CDH7: variants seen among roughly 807,000 people sequenced by gnomAD.
The protein encoded by CDH7 is cadherin 7.
CDH7 carries 25 observed loss-of-function variants against 71.8 expected under a neutral mutation model. The observed-to-expected ratio is 0.35, with a 90% confidence interval of 0.25 to 0.49. The LOEUF (loss-of-function observed/expected upper bound fraction) is 0.49, where lower values mean the gene tolerates loss of function less well. CDH7 is among the 20% of genes least tolerant of loss of function. The pLI is 0.99. For missense variants in CDH7, 862 were observed against 974.6 expected (o/e 0.88, Z 1.54); for synonymous variants, 381 against 363.8 (o/e 1.05, Z -0.54).
chr18:65,781,796 T>TTTCTTTCTTTCTTTCTA (rs1568181406), intron 2 of CDH7, among the ~76,000 whole-genome samples: 1 of 70,410 alleles, frequency 1.4e-5, no homozygotes, highest in East Asian at 4.0e-4. Context: ...CCTTCCTTCC[T>TTTCTTTCTTTCTTTCTA]TCCTTCCTTC....
rs1400805257 is a variant in CDH7 at position 65,887,896 on chromosome 18, T to C, written c.*7002T>C. The C allele has an allele frequency of 4.6e-5, 7 of 152,194 alleles. No homozygotes were observed. The highest frequency in any genetic ancestry group is 1.0e-4 in the Non-Finnish European group (7 of 68,030). The allele number at this position is 152,194 out of a possible 1,614,324, so 9.4% of individuals were successfully genotyped here. A position where few individuals can be genotyped will look rare whatever the true frequency, so the allele number is the denominator to read the frequency against. The stretch of plus-strand genomic sequence containing the variant: ...ACTTTCAATGAAACTATAATTTTTA[T>C]GTTTATGAGATTCCATTATAATTAC... On this transcript the variant is annotated 3_prime_UTR_variant, in exon 12 of 12. Coordinates refer to ENST00000397968, the MANE Select transcript of CDH7 (RefSeq NM_004361.5).
chr18:65,761,388 A>C (rs544870324), intron 1 of CDH7, among the ~76,000 whole-genome samples: 2 of 151,756 alleles, frequency 1.3e-5, no homozygotes, highest in African/African-American at 4.9e-5. Context: ...ACTATCAAAA[A>C]TATTTTTTTA....
Position 65,780,192 on chromosome 18 carries a change from T to A in CDH7, c.210+17140T>A, listed in dbSNP as rs1156304933. On this transcript the variant is annotated intron_variant, in intron 2 of 11. Transcript: ENST00000397968. ...TAAATTTGTTTGAGTTCATTGTAGA[T>A]TCTGGATATTAGCCCTTTGTCAGAT... 4.3e-5 allele frequency among the ~76,000 whole-genome samples: 5 copies of A among 115,732 alleles called. 1 individual carries two copies. Among genetic ancestry groups the A allele is most frequent in the African/African-American group, 2.0e-4 (5 of 25,546 alleles). The allele number at this position is 115,732 out of a possible 152,430, so 75.9% of individuals were successfully genotyped here.
chr18:65,862,113 G>C (rs891069703), intron 10 of CDH7, among the ~76,000 whole-genome samples: 1 of 151,914 alleles, frequency 6.6e-6, no homozygotes, highest in Non-Finnish European at 1.5e-5. Context: ...ACATAGAGTA[G>C]CTATAAATAC....
At chr18:65,796,051 A>C (rs1479955609) in intron 2 of CDH7, among the ~76,000 whole-genome samples, 1 of 152,154 alleles carries the variant, frequency 6.6e-6, no homozygotes, top group East Asian at 1.9e-4. Context: ...TAAATAAATA[A>C]ATAAATTACC....
At chr18:65,781,780 T>A (rs1240507250) in intron 2 of CDH7, among the ~76,000 whole-genome samples, 9 of 59,160 alleles carry the variant, frequency 1.5e-4, no homozygotes, top group African/African-American at 1.2e-3. Context: ...CCTTCCTTCC[T>A]TCCTTCCTTC....
intron 11 of CDH7, among the ~76,000 whole-genome samples, chr18:65,879,617 G>A (rs1036479841): frequency 2.6e-5 from 4 of 152,134 alleles, no homozygotes; most frequent in Admixed American, 6.6e-5. Context: ...CATTGTTTAA[G>A]TCCCCCAAAT....
At chr18:65,849,627 T>A (rs1913075006) in intron 7 of CDH7, among the ~76,000 whole-genome samples, 2 of 151,490 alleles carry the variant, frequency 1.3e-5, no homozygotes, top group African/African-American at 4.8e-5. Flanking sequence ...TGGCCAGGCT[T>A]GCCTCGAACT....
chr18:65,781,864 T>TTCTTTCTTTCTTTC (rs1568181719), intron 2 of CDH7, among the ~76,000 whole-genome samples: 1 of 54,614 alleles, frequency 1.8e-5, no homozygotes, highest in Non-Finnish European at 3.2e-5. Context: ...CTTTCTTTCT[T>TTCTTTCTTTCTTTC]TCTCTCTCTC....
At position 65,811,905 on chromosome 18, in the gene CDH7, A is replaced by G. The variant is rs142856288; in HGVS notation, c.505+1907A>G. On this transcript the variant is annotated intron_variant, in intron 3 of 11. Transcript: ENST00000397968. ...ATAATGTATAAGTTAAATAAATTATATTATTTAAGTGTGCACAATAGTCAT... is the reference window on the plus strand; with the variant it reads ...ATAATGTATAAGTTAAATAAATTATGTTATTTAAGTGTGCACAATAGTCAT... 3.0e-3 allele frequency among the ~76,000 whole-genome samples: 445 copies of G among 149,744 alleles called. 2 individuals carry two copies. Among genetic ancestry groups the G allele is most frequent in the African/African-American group, 9.9e-3 (405 of 40,890 alleles).
At chr18:65,781,824 T>A (rs1470614268) in intron 2 of CDH7, among the ~76,000 whole-genome samples, 17 of 72,080 alleles carry the variant, frequency 2.4e-4, no homozygotes, top group African/African-American at 1.7e-3. Flanking sequence ...CCTTCCTTCT[T>A]TCTTTCTTTC....
At chr18:65,771,859 G>A (rs563831998) in intron 2 of CDH7, among the ~76,000 whole-genome samples, 1 of 152,212 alleles carries the variant, frequency 6.6e-6, no homozygotes, top group African/African-American at 2.4e-5. Context: ...AAACCAGTAT[G>A]GGGAGGCCAT....
At chr18:65,782,107 CTTCTTTCTTTCTTTCTTTCTTTCTTTCT>C (rs745442687) in intron 2 of CDH7, among the ~76,000 whole-genome samples, 3 of 25,224 alleles carry the variant, frequency 1.2e-4, no homozygotes, top group African/African-American at 7.5e-4. Flanking sequence ...TCCTTCCTTC[CTTCTTTCTTTCTTTCTTTCTTTCTTTCT>C]TTCTTTCTTT....
At chr18:65,849,584 T>A (rs2144007571) in intron 7 of CDH7, among the ~76,000 whole-genome samples, 1 of 151,874 alleles carries the variant, frequency 6.6e-6, no homozygotes, top group African/African-American at 2.4e-5. Flanking sequence ...GGCTAATTTT[T>A]GTATTGTTAG....
chr18:65,878,859 G>A (rs1195396241), intron 11 of CDH7, among the ~76,000 whole-genome samples: 1 of 152,168 alleles, frequency 6.6e-6, no homozygotes, highest in African/African-American at 2.4e-5. Flanking sequence ...TTTCTGAACT[G>A]TAGGCCATCC....
chr18:65,778,734 T>G lies in CDH7; in HGVS notation c.210+15682T>G, dbSNP rs185060382. ...TCATAATAAATAAATACACTTTGAT[T>G]GAACTAAAGATTCAGGGTCTTTAAA... is the stretch of plus-strand genomic sequence containing the variant. On this transcript the variant is annotated intron_variant, in intron 2 of 11. Coordinates refer to ENST00000397968, the MANE Select transcript of CDH7 (RefSeq NM_004361.5). Among the ~76,000 whole-genome samples the G allele has an allele frequency of 5.3e-3, 801 of 151,802 alleles. 6 individuals carry two copies. The highest frequency in any genetic ancestry group is 0.019 in the African/African-American group (775 of 41,396).
At chr18:65,798,538 T>C (rs933999764) in intron 2 of CDH7, among the ~76,000 whole-genome samples, 2 of 152,126 alleles carry the variant, frequency 1.3e-5, no homozygotes, top group Admixed American at 6.5e-5. Flanking sequence ...GATTTACCCA[T>C]AGGGAATTTA....
rs1221823915 is a variant in CDH7, at chr18:65,782,064, T to TCC, written c.210+19012_210+19013insCC. Among the ~76,000 whole-genome samples, 325 of 49,736 alleles carry TCC rather than the reference T, an allele frequency of 6.5e-3. 47 individuals carry two copies. The highest frequency in any genetic ancestry group is 7.4e-3 in the Non-Finnish European group (221 of 29,994). 32.6% of individuals were successfully genotyped at this position (49,736 alleles called of 152,430 possible). On this transcript the variant is annotated intron_variant, in intron 2 of 11. Coordinates refer to ENST00000397968, the MANE Select transcript of CDH7 (RefSeq NM_004361.5). Reference sequence around the variant, plus strand: ...TTCCTTCCTTCCTTCCTTCCTTCCTTTCTTTCTTTCTTTCTTTCCTTCCTT... The same window carrying TCC: ...TTCCTTCCTTCCTTCCTTCCTTCCTTCCTCTTTCTTTCTTTCTTTCCTTCCTT...
At chr18:65,782,012 T>G in intron 2 of CDH7, among the ~76,000 whole-genome samples, 1 of 72,880 alleles carries the variant, frequency 1.4e-5, no homozygotes, top group East Asian at 3.6e-4. Flanking sequence ...CTTTCTCTCT[T>G]TCTCTCTCTC....
Sources: gnomAD v4.1 joint callset for allele counts (sites outside exome capture counted in the v4.1 genomes callset) on GRCh38, gnomAD v4.1.1 for gene constraint, MANE v1.5 for transcripts, NCBI Gene and HGNC (gene_info 2026-07-23, HGNC 2026-07-21) for gene names.